The following ZNF808 variants were observed in gnomAD, a reference collection of about 807,000 sequenced individuals.
ZNF808 encodes the protein zinc finger protein 808.
ZNF808 carries 5 observed loss-of-function variants against 8.7 expected under a neutral mutation model. The observed-to-expected ratio is 0.58, with a 90% confidence interval of 0.30 to 1.21. ZNF808 has a LOEUF of 1.21. Ranked by LOEUF, ZNF808 falls within the 50% of genes most tolerant of loss-of-function variation. ZNF808 has a pLI of 0.07. For synonymous variants in ZNF808, 380 were observed against 366.0 expected, an observed-to-expected ratio of 1.04 and a Z score of -0.44; for missense variants, 1,103 against 1,098.4, an observed-to-expected ratio of 1.00 and a Z score of -0.06.
rs753523035 is a variant in ZNF808, at chr19:52,553,744, C to T, written c.828C>T (p.Cys276=). ...KLFNHKQYLA[C]HRRCHTGEKP... ...TTAATCACAAGCAATACCTTGCATG[C>T]CATCGTAGATGTCACACTGGAGAGA... The change falls in exon 5 of 5, where the codon TGC becomes TGT. Residue 276 remains cysteine (C), a synonymous_variant. Transcript: ENST00000359798. The T allele has an allele frequency of 1.2e-6, 2 of 1,614,152 alleles. No individual in the cohort carries two copies. The highest frequency in any genetic ancestry group is 1.7e-6 in the Non-Finnish European group (2 of 1,180,020).
At chr19:52,537,494 C>T (rs982208282) in intron 2 of ZNF808, among the ~76,000 whole-genome samples, 2 of 151,988 alleles carry the variant, frequency 1.3e-5, no homozygotes, top group African/African-American at 4.8e-5. Flanking sequence ...CAAGACCAGC[C>T]TAGGCAAAAT....
intron 2 of ZNF808, among the ~76,000 whole-genome samples, chr19:52,539,640 G>A (rs886824931): frequency 1.6e-5 from 2 of 122,460 alleles, no homozygotes; most frequent in African/African-American, 6.4e-5. Flanking sequence ...TGCAACCTTT[G>A]CCTCTGGGGT....
downstream of ZNF808, among the ~76,000 whole-genome samples, chr19:52,557,151 A>G (rs1166393911): frequency 6.6e-6 from 1 of 151,852 alleles, no homozygotes; most frequent in African/African-American, 2.4e-5. Flanking sequence ...TTATATTTTT[A>G]GTAGAGACAG....
intron 2 of ZNF808, among the ~76,000 whole-genome samples, chr19:52,539,578 G>A (rs988112746): frequency 9.6e-6 from 1 of 104,228 alleles, no homozygotes; most frequent in Non-Finnish European, 1.9e-5. Context: ...TTTTTTGACG[G>A]AGTTTTGGTC....
chr19:52,559,172 A>G (rs1358807443), downstream of ZNF808, among the ~76,000 whole-genome samples: 1 of 152,014 alleles, frequency 6.6e-6, no homozygotes, highest in Admixed American at 6.6e-5. Flanking sequence ...AGTTGAGGTA[A>G]GAGGAAGGCA....
chr19:52,555,069 A>G lies in ZNF808; in HGVS notation c.2153A>G (p.Asn718Ser). ...AATGAGTGCAGCAAGACCTTCAGTA[A>G]CAGGTCATCCCTTGTATGCCATCGT... ...KCNECSKTFSNRSSLVCHRRI... is the reference protein window; with the variant it reads ...KCNECSKTFSSRSSLVCHRRI... The change falls in exon 5 of 5, where the codon AAC becomes AGC. Residue 718 changes from asparagine to serine, a missense_variant. Asn to Ser is a conservative substitution (Grantham distance 46, BLOSUM62 1). Transcript: ENST00000359798. The G allele has an allele frequency of 6.2e-7, 1 of 1,614,172 alleles. No homozygotes were observed. The highest frequency in any genetic ancestry group is 2.2e-5 in the East Asian group (1 of 44,880).
intron 2 of ZNF808, among the ~76,000 whole-genome samples, chr19:52,536,255 T>C (rs1199826678): frequency 6.6e-6 from 1 of 152,192 alleles, no homozygotes; most frequent in African/African-American, 2.4e-5. Context: ...GTCTTTCTGC[T>C]ATAGGGCAGT....
At chr19:52,530,017 A>G (rs1368023447) in intron 1 of ZNF808, among the ~76,000 whole-genome samples, 1 of 150,902 alleles carries the variant, frequency 6.6e-6, no homozygotes, top group Admixed American at 6.6e-5. Flanking sequence ...TACTGGGATT[A>G]CAGGTGGGAT....
intron 2 of ZNF808, among the ~76,000 whole-genome samples, chr19:52,541,381 A>G (rs2031308786): frequency 6.6e-6 from 1 of 151,982 alleles, no homozygotes; most frequent in Non-Finnish European, 1.5e-5. Flanking sequence ...ACTGGTCTGG[A>G]AATTTTCTAG....
chr19:52,542,208 G>C (rs2450867), intron 2 of ZNF808, among the ~76,000 whole-genome samples: 5 of 151,782 alleles, frequency 3.3e-5, no homozygotes, highest in Admixed American at 2.0e-4. Context: ...ATTCTCCTGC[G>C]TCAGACACCC....
downstream of ZNF808, among the ~76,000 whole-genome samples, chr19:52,567,246 C>T (rs2059875101): frequency 6.6e-6 from 1 of 152,000 alleles, no homozygotes; most frequent in Admixed American, 6.6e-5. Flanking sequence ...GCCAATGCAA[C>T]CGGCCAAGGA....
chr19:52,535,038 TAA>T (rs1043820598), intron 2 of ZNF808, among the ~76,000 whole-genome samples: 2 of 143,086 alleles, frequency 1.4e-5, no homozygotes, highest in African/African-American at 2.6e-5. Context: ...AAAAACGGGT[TAA>T]AAAAAAAAAG....
Position 52,555,386 on chromosome 19 carries a change from T to C in ZNF808, c.2470T>C (p.Cys824Arg), listed in dbSNP as rs762826759. 6.2e-7 allele frequency: 1 copy of C among 1,614,046 alleles called. No individual in the cohort carries two copies. Among genetic ancestry groups the C allele is most frequent in the Non-Finnish European group, 8.5e-7 (1 of 1,180,020 alleles). Reference sequence around the variant, plus strand: ...AGAGAAACCTTACAAGTGTAATGAATGTGGAAAGGCTTTTAATGAACAATC... The same window carrying C: ...AGAGAAACCTTACAAGTGTAATGAACGTGGAAAGGCTTTTAATGAACAATC... ...TAEKPYKCNE[C>R]GKAFNEQSHL... The change falls in exon 5 of 5, where the codon TGT (cysteine) becomes CGT (arginine). Residue 824 changes from cysteine to arginine, a missense_variant. Physicochemically the swap from Cys to Arg is radical, Grantham distance 180. Coordinates refer to ENST00000359798, the MANE Select transcript of ZNF808 (RefSeq NM_001039886.4).
downstream of ZNF808, among the ~76,000 whole-genome samples, chr19:52,557,945 C>T (rs2059843512): frequency 6.7e-6 from 1 of 148,694 alleles, no homozygotes; most frequent in African/African-American, 2.5e-5. Flanking sequence ...AGGGGCTTCA[C>T]CAGAAAAGCT....
chr19:52,567,207 C>A (rs1055689255), downstream of ZNF808, among the ~76,000 whole-genome samples: 9 of 152,048 alleles, frequency 5.9e-5, no homozygotes, highest in African/African-American at 2.2e-4. Flanking sequence ...CCACGTCGGC[C>A]TTCCAAAGTG....
downstream of ZNF808, among the ~76,000 whole-genome samples, chr19:52,567,675 C>T (rs1280704016): frequency 6.6e-6 from 1 of 151,576 alleles, no homozygotes; most frequent in East Asian, 1.9e-4. Flanking sequence ...CAGGCTCATG[C>T]CACCACTCCA....
chr19:52,555,484 C>A lies in ZNF808; in HGVS notation c.2568C>A (p.Phe856Leu). 1 of 1,613,970 alleles carries A rather than the reference C, an allele frequency of 6.2e-7. No individual in the cohort carries two copies. The highest frequency in any genetic ancestry group is 8.5e-7 in the Non-Finnish European group (1 of 1,179,960). Residue 856 changes from phenylalanine to leucine, a missense_variant, in exon 5 of 5, where the codon TTC becomes TTA. Phe to Leu is a conservative substitution (Grantham distance 22). Transcript: ENST00000359798. ...PYKCEACDKV[F>L]SRKSHLKRHR... is the part of the protein sequence containing the mutation. The stretch of plus-strand genomic sequence containing the variant: ...AATGTGAAGCATGTGACAAAGTTTT[C>A]AGTCGCAAATCACACCTTAAAAGAC...
chr19:52,557,780 C>T (rs558051877), downstream of ZNF808, among the ~76,000 whole-genome samples: 9 of 152,290 alleles, frequency 5.9e-5, no homozygotes, highest in African/African-American at 2.2e-4. Flanking sequence ...GCGTAAGATG[C>T]TTCTCTGATT....
chr19:52,541,278 T>G (rs2059667867), intron 2 of ZNF808, among the ~76,000 whole-genome samples: 1 of 150,448 alleles, frequency 6.6e-6, no homozygotes, highest in Admixed American at 6.7e-5. Context: ...CGTTTTTAAA[T>G]AAAATTTTTC....
Sources: gnomAD v4.1 joint callset for allele counts (sites outside exome capture counted in the v4.1 genomes callset) on GRCh38, gnomAD v4.1.1 for gene constraint, MANE v1.5 for transcripts, NCBI Gene and HGNC (gene_info 2026-07-23, HGNC 2026-07-21) for gene names.